GIGYF2: variants seen among roughly 807,000 people sequenced by gnomAD.
The protein encoded by GIGYF2 is GRB10-interacting GYF protein 2.
A neutral mutation model predicts 208.1 loss-of-function variants in GIGYF2; 25 were observed. The observed-to-expected ratio is 0.12, with a 90% CI of 0.09 to 0.17. The LOEUF is 0.17. Among genes scored for constraint, GIGYF2 ranks in the 10% least tolerant of loss-of-function variants. The pLI, the probability that GIGYF2 is intolerant of heterozygous loss-of-function variation, is 1.00. For missense variants in GIGYF2, 1,302 were observed against 1,579.4 expected, an observed-to-expected ratio of 0.82 and a Z score of 2.98; for synonymous variants, 534 against 543.8, an observed-to-expected ratio of 0.98 and a Z score of 0.25.
chr2:232,817,152 G>A lies in GIGYF2; in HGVS notation c.2370+120G>A, dbSNP rs1700940818. Reference sequence around the variant, plus strand: ...CAGGATTGGGGTTAGAACCTTAGAAGACTCACTCACCTTTGGAAAGAATCT... The same window carrying A: ...CAGGATTGGGGTTAGAACCTTAGAAAACTCACTCACCTTTGGAAAGAATCT... On this transcript the variant is annotated intron_variant, in intron 20 of 28. Coordinates refer to ENST00000373563, the MANE Select transcript of GIGYF2 (RefSeq NM_001103146.3). 1.6e-5 allele frequency: 13 copies of A among 810,630 alleles called. No homozygotes were observed. In the Admixed American group the frequency reaches 2.3e-4, roughly 14 times the overall value. 50.2% of individuals were successfully genotyped at this position (810,630 alleles called of 1,614,324 possible).
chr2:232,734,229 ATTTG>A (rs1429040606), intron 2 of GIGYF2, among the ~76,000 whole-genome samples: 1 of 137,530 alleles, frequency 7.3e-6, no homozygotes, highest in Non-Finnish European at 1.6e-5. Flanking sequence ...ATTTATTTTT[ATTTG>A]TTTATTTTGT....
chr2:232,707,637 A>ATTT (rs35807853), intron 2 of GIGYF2, among the ~76,000 whole-genome samples: 22 of 135,420 alleles, frequency 1.6e-4, no homozygotes, highest in South Asian at 4.7e-4. Flanking sequence ...TACCATTGGG[A>ATTT]TTTTTTTTTT....
In GIGYF2 at chr2:232,806,456, C is replaced by A; in HGVS notation, c.1640-35C>A. 1 of 1,456,916 alleles carries A rather than the reference C, an allele frequency of 6.9e-7. No individual in the cohort carries two copies. Among genetic ancestry groups the A allele is most frequent in the Non-Finnish European group, 9.6e-7 (1 of 1,036,614 alleles). 90.2% of individuals were successfully genotyped at this position (1,456,916 alleles called of 1,614,324 possible). The stretch of plus-strand genomic sequence containing the variant: ...TTTTCTCTTTGAGTCTGAAAGGTTT[C>A]TTATTGTCTTTCTGTTTAATTGGTG... On this transcript the variant is annotated intron_variant, in intron 14 of 28. Transcript: ENST00000373563. The surrounding 1 kb of genome is among the most constrained non-coding windows in gnomAD (Gnocchi z 4.0).
Position 232,796,093 on chromosome 2 carries a change from A to T in GIGYF2, c.1511A>T (p.Asp504Val). 1 of 1,611,540 alleles carries T rather than the reference A, an allele frequency of 6.2e-7. No individual in the cohort carries two copies. Among genetic ancestry groups the T allele is most frequent in the Non-Finnish European group, 8.5e-7 (1 of 1,177,656 alleles). The change falls in exon 14 of 29, where the codon GAC becomes GTC. Residue 504 changes from aspartate (D) to valine (V), a missense_variant. By Grantham distance (152) the Asp-to-Val change is radical. Transcript: ENST00000373563. ...GAGAAAATGGTGGCTTATCTCCAAG[A>T]CAGTGCACTAGATGATGAAAGATTG... ...QAEKMVAYLQ[D>V]SALDDERLAS...
chr2:232,840,062 T>C (rs1701771699), intron 23 of GIGYF2, 91 bp downstream of exon 23: 2 of 1,296,822 alleles, frequency 1.5e-6, no homozygotes, highest in Non-Finnish European at 2.2e-6. Flanking sequence ...GGACAATTAC[T>C]GTCAGAATTG....
intron 22 of GIGYF2, among the ~76,000 whole-genome samples, chr2:232,836,123 G>A (rs1175408186): frequency 6.6e-6 from 1 of 150,512 alleles, no homozygotes; most frequent in Non-Finnish European, 1.5e-5. Flanking sequence ...GGGCAGATGG[G>A]AAATGGGTTA....
rs377170345 is a variant in GIGYF2 at position 232,708,141 on chromosome 2, G to A, written c.-44+4652G>A. On this transcript the variant is annotated intron_variant, in intron 2 of 28. Transcript: ENST00000373563. ...GCACATGGCTAATTTTTCTATTTTT[G>A]TAGAGACTGGTTTTTGCCATGTTGC... is the stretch of plus-strand genomic sequence containing the variant. Among the ~76,000 whole-genome samples, 30 of 151,466 alleles carry A rather than the reference G, an allele frequency of 2.0e-4. 1 individual carries two copies. Among genetic ancestry groups the A allele is most frequent in the African/African-American group, 6.5e-4 (27 of 41,306 alleles).
chr2:232,852,526 C>T (rs562552726), intron 28 of GIGYF2, among the ~76,000 whole-genome samples: 3 of 151,880 alleles, frequency 2.0e-5, no homozygotes, highest in South Asian at 2.1e-4. Context: ...CCAGCCTGTG[C>T]GACAGAGTGA....
At chr2:232,760,704 T>C (rs1445749960) in intron 7 of GIGYF2, 113 bp downstream of exon 7, 21 of 711,166 alleles carry the variant, frequency 3.0e-5, no homozygotes, top group Non-Finnish European at 4.8e-5. Context: ...TTTTAAAAAA[T>C]GCTCTTAAGT....
chr2:232,730,206 G>C (rs1023023551), intron 2 of GIGYF2: 1 of 1,303,642 alleles, frequency 7.7e-7, no homozygotes, highest in African/African-American at 1.4e-5. Flanking sequence ...CATGGCATCA[G>C]CTGTACCTGA....
Position 232,778,272 on chromosome 2 carries a change from A to G in GIGYF2, c.533-8878A>G, listed in dbSNP as rs542292620. ...ATTATAGTAGGCAAGACAGTTAAGG[A>G]TTTTATTAAACTTAAAAGTCTTTTT... On this transcript the variant is annotated intron_variant, in intron 8 of 28. Transcript: ENST00000373563. 1.2e-3 allele frequency among the ~76,000 whole-genome samples: 188 copies of G among 152,296 alleles called. 2 individuals are homozygous for G. Among genetic ancestry groups the G allele is most frequent in the African/African-American group, 4.4e-3 (184 of 41,570 alleles).
At position 232,708,769 on chromosome 2, in the gene GIGYF2, A is replaced by T. The variant is rs776701135; in HGVS notation, c.-44+5280A>T. On this transcript the variant is annotated intron_variant, in intron 2 of 28. Transcript: ENST00000373563. Reference sequence around the variant, plus strand: ...AGCCTCTGCCTCCCAGGCTCAAGTGATCCTCCCATTGCACTCCAGCCTGGG... The same window carrying T: ...AGCCTCTGCCTCCCAGGCTCAAGTGTTCCTCCCATTGCACTCCAGCCTGGG... Among the ~76,000 whole-genome samples the T allele has an allele frequency of 4.0e-5, 6 of 151,176 alleles. No homozygotes were observed. The South Asian group carries it at 6.3e-4, about 16-fold the overall frequency.
intron 8 of GIGYF2, chr2:232,771,170 C>A (rs753616368): frequency 6.2e-7 from 1 of 1,613,952 alleles, no homozygotes; most frequent in Non-Finnish European, 8.5e-7. Flanking sequence ...CAGTGGACAA[C>A]AAAAGAAGCA....
intron 22 of GIGYF2, among the ~76,000 whole-genome samples, chr2:232,834,346 A>G (rs1179338151): frequency 1.3e-5 from 2 of 152,192 alleles, no homozygotes; most frequent in African/African-American, 4.8e-5. Flanking sequence ...CCCCAGACCT[A>G]TTGAATCAGA....
chr2:232,811,174 C>T, intron 16 of GIGYF2, 70 bp from the exon 17 acceptor site: 1 of 817,248 alleles, frequency 1.2e-6, no homozygotes, highest in South Asian at 1.4e-5. Context: ...TGAACTTTGT[C>T]TTTCAGCATC....
rs1280588751 is a variant in GIGYF2, at chr2:232,858,080, A to G, written c.*1220A>G. 5.6e-6 allele frequency: 1 copy of G among 178,684 alleles called. No individual in the cohort carries two copies. The highest frequency in any genetic ancestry group is 2.4e-5 in the African/African-American group (1 of 41,628). The allele number at this position is 178,684 out of a possible 1,614,324, so 11.1% of individuals were successfully genotyped here. A position where few individuals can be genotyped will look rare whatever the true frequency, so the allele number is the denominator to read the frequency against. ...TGGCCTCCTAAAACCTTAAACTTCA[A>G]GTAGAAATGTACTCAAGCCCTATTT... On this transcript the variant is annotated 3_prime_UTR_variant, in exon 29 of 29. Coordinates refer to ENST00000373563, the MANE Select transcript of GIGYF2 (RefSeq NM_001103146.3).
chr2:232,711,042 T>C (rs1312705597), intron 2 of GIGYF2, among the ~76,000 whole-genome samples: 5 of 151,904 alleles, frequency 3.3e-5, no homozygotes, highest in African/African-American at 1.2e-4. Context: ...GTATGCCCTT[T>C]GATATGCTCT....
At chr2:232,784,593 T>C (rs1373949906) in intron 8 of GIGYF2, among the ~76,000 whole-genome samples, 1 of 120,638 alleles carries the variant, frequency 8.3e-6, no homozygotes, top group Non-Finnish European at 1.8e-5. Context: ...GGTTTCATCG[T>C]GTTAGCTTGA....
At chr2:232,725,319 C>G (rs1360853604) in intron 2 of GIGYF2, among the ~76,000 whole-genome samples, 1 of 152,178 alleles carries the variant, frequency 6.6e-6, no homozygotes, top group Admixed American at 6.5e-5. Flanking sequence ...GTTTTTTAGC[C>G]TGTTGAACAA....
Sources: gnomAD v4.1 joint callset for allele counts (sites outside exome capture counted in the v4.1 genomes callset) on GRCh38, gnomAD v4.1.1 for gene constraint, Gnocchi (gnomAD v3.1) non-coding constraint, MANE v1.5 for transcripts, NCBI Gene and HGNC (gene_info 2026-07-23, HGNC 2026-07-21) for gene names.